EYS: variants seen among roughly 807,000 people sequenced by gnomAD.
The protein encoded by EYS is protein eyes shut homolog.
A neutral mutation model predicts 282.1 loss-of-function variants in EYS; 250 were observed. The observed-to-expected ratio is 0.89, with a 90% CI of 0.80 to 0.98. The LOEUF is 0.98. EYS is among the 50% of genes least tolerant of loss of function. The pLI is 0.00. For synonymous variants in EYS, 1,355 were observed against 1,282.9 expected (o/e 1.06, Z -1.20); for missense variants, 4,016 against 3,709.0 (o/e 1.08, Z -2.15).
intron 29 of EYS, among the ~76,000 whole-genome samples, chr6:64,378,562 G>C (rs1421669399): frequency 6.6e-6 from 1 of 152,018 alleles, no homozygotes; most frequent in Non-Finnish European, 1.5e-5. Context: ...TCAATGCTGG[G>C]GGGAAACTTA....
Position 64,686,803 on chromosome 6 carries a change from A to T in EYS, c.3444-60558T>A, listed in dbSNP as rs865929197. Among the ~76,000 whole-genome samples, 5 of 47,794 alleles carry T rather than the reference A, an allele frequency of 1.0e-4. 1 individual carries two copies. The highest frequency in any genetic ancestry group is 3.1e-4 in the African/African-American group (4 of 13,050). The allele number at this position is 47,794 out of a possible 152,430, so 31.4% of individuals were successfully genotyped here. On this transcript the variant is annotated intron_variant, in intron 22 of 42. Coordinates refer to ENST00000503581, the MANE Select transcript of EYS (RefSeq NM_001142800.2). ...TATATATATATGTGTGTATATATATATGTGTGTATATATATATGTGTATAT... is the reference window on the plus strand; with the variant it reads ...TATATATATATGTGTGTATATATATTTGTGTGTATATATATATGTGTATAT...
intron 36 of EYS, among the ~76,000 whole-genome samples, chr6:63,814,571 C>A (rs1286173280): frequency 2.0e-5 from 3 of 152,142 alleles, no homozygotes; most frequent in Middle Eastern, 3.2e-3. Flanking sequence ...GATAGAAAAA[C>A]TGTTGAAAAT....
intron 31 of EYS, among the ~76,000 whole-genome samples, chr6:64,137,383 C>T (rs1325568944): frequency 6.6e-6 from 1 of 152,082 alleles, no homozygotes; most frequent in Non-Finnish European, 1.5e-5. Context: ...AAGATCTTTT[C>T]CTTTGCATTC....
rs1056773862 is a variant in EYS at position 65,165,117 on chromosome 6, A to T, written c.2024-107390T>A. On this transcript the variant is annotated intron_variant, in intron 12 of 42. Coordinates refer to ENST00000503581, the MANE Select transcript of EYS (RefSeq NM_001142800.2). ...AAATGCTTGGCAAATAAATTCTAAC[A>T]TTAATTGGTACTTTTTTTTTCTAAC... 5.3e-5 allele frequency among the ~76,000 whole-genome samples: 8 copies of T among 151,216 alleles called. No homozygotes were observed. The East Asian group carries it at 1.6e-3, about 30-fold the overall frequency.
Position 64,678,814 on chromosome 6 carries a change from G to T in EYS, c.3444-52569C>A, listed in dbSNP as rs527247923. ...AGCCTGGCCAACATGGTGAAACCCCGTCTCCACTAAAGACACAAAACAATT... is the reference window on the plus strand; with the variant it reads ...AGCCTGGCCAACATGGTGAAACCCCTTCTCCACTAAAGACACAAAACAATT... On this transcript the variant is annotated intron_variant, in intron 22 of 42. Transcript: ENST00000503581. Among the ~76,000 whole-genome samples the T allele has an allele frequency of 1.0e-3, 154 of 151,816 alleles. 1 individual carries two copies. The highest frequency in any genetic ancestry group is 3.6e-3 in the African/African-American group (149 of 41,394).
At chr6:64,641,726 G>A (rs936227726) in intron 22 of EYS, among the ~76,000 whole-genome samples, 8 of 152,294 alleles carry the variant, frequency 5.3e-5, no homozygotes, top group African/African-American at 1.4e-4. Flanking sequence ...GGGCTGCACA[G>A]CAGGAGGTGA....
intron 26 of EYS, among the ~76,000 whole-genome samples, chr6:64,498,164 C>A (rs1776944324): frequency 6.6e-6 from 1 of 152,048 alleles, no homozygotes; most frequent in Admixed American, 6.6e-5. Flanking sequence ...TTGTTAGTAT[C>A]CTTTAAGTTA....
intron 22 of EYS, among the ~76,000 whole-genome samples, chr6:64,724,507 A>G (rs149268141): frequency 7.4e-4 from 113 of 152,330 alleles, no homozygotes; most frequent in Non-Finnish European, 1.4e-3. Context: ...ACCTTAAACC[A>G]CTAAAGCCAT....
At chr6:64,307,356 C>T (rs922138589) in intron 29 of EYS, among the ~76,000 whole-genome samples, 2 of 151,980 alleles carry the variant, frequency 1.3e-5, no homozygotes, top group African/African-American at 4.8e-5. Context: ...AAACACAATG[C>T]TATTCAACCT....
intron 34 of EYS, among the ~76,000 whole-genome samples, chr6:63,994,124 T>C (rs954681177): frequency 4.6e-5 from 7 of 151,974 alleles, no homozygotes; most frequent in African/African-American, 7.2e-5. Context: ...ATTTGGCATA[T>C]ATCTGAAAGA....
At chr6:65,533,087 A>G (rs2127310779) in intron 2 of EYS, among the ~76,000 whole-genome samples, 1 of 152,230 alleles carries the variant, frequency 6.6e-6, no homozygotes, top group East Asian at 1.9e-4. Context: ...AAAGATTGCT[A>G]AGCTCTATTT....
chr6:65,120,765 T>G (rs1775522968), intron 12 of EYS, among the ~76,000 whole-genome samples: 1 of 152,154 alleles, frequency 6.6e-6, no homozygotes, highest in African/African-American at 2.4e-5. Flanking sequence ...TCACAGACTT[T>G]TCTTCCCCAT....
intron 36 of EYS, among the ~76,000 whole-genome samples, chr6:63,837,233 T>G (rs1771832790): frequency 6.6e-6 from 1 of 152,136 alleles, no homozygotes; most frequent in Non-Finnish European, 1.5e-5. Flanking sequence ...TACATGCTAC[T>G]CATAGGCTAT....
chr6:65,626,761 A>C (rs1766707923), intron 2 of EYS, among the ~76,000 whole-genome samples: 1 of 152,066 alleles, frequency 6.6e-6, no homozygotes, highest in African/African-American at 2.4e-5. Flanking sequence ...TCCCAGCCTC[A>C]AAGTTGTAAT....
At chr6:64,507,471 T>G (rs569193736) in intron 26 of EYS, among the ~76,000 whole-genome samples, 8 of 152,348 alleles carry the variant, frequency 5.3e-5, no homozygotes, top group African/African-American at 1.9e-4. Flanking sequence ...ATATGCATAA[T>G]GTAACATAGA....
At chr6:64,575,430 A>C (rs1401567911) in intron 26 of EYS, among the ~76,000 whole-genome samples, 2 of 152,184 alleles carry the variant, frequency 1.3e-5, no homozygotes, top group Non-Finnish European at 2.9e-5. Context: ...TTGTTAAAGC[A>C]GGATGAGGAG....
At chr6:63,961,437 G>C (rs1212982669) in intron 35 of EYS, among the ~76,000 whole-genome samples, 1 of 146,958 alleles carries the variant, frequency 6.8e-6, no homozygotes. Context: ...CCCCGCCCCT[G>C]CCTGCAAGAG....
chr6:65,594,691 G>A (rs1023265876), intron 2 of EYS, among the ~76,000 whole-genome samples: 3 of 151,976 alleles, frequency 2.0e-5, no homozygotes, highest in Non-Finnish European at 4.4e-5. Flanking sequence ...GTCAACTTTG[G>A]CTTTTGTTGC....
intron 35 of EYS, among the ~76,000 whole-genome samples, chr6:63,978,874 G>A (rs1766963480): frequency 6.6e-6 from 1 of 151,750 alleles, no homozygotes; most frequent in African/African-American, 2.4e-5. Context: ...TTCTACAAAT[G>A]TTAAAAAAAG....
Sources: allele counts gnomAD v4.1 joint callset (sites outside exome capture counted in the v4.1 genomes callset), GRCh38; gene constraint gnomAD v4.1.1; transcripts MANE v1.5; gene names NCBI Gene and HGNC (gene_info 2026-07-23, HGNC 2026-07-21).